The following QPRT variants were observed in gnomAD, a reference collection of about 807,000 sequenced individuals.
QPRT encodes quinolinate phosphoribosyltransferase.
A neutral mutation model predicts 19.8 loss-of-function variants in QPRT; 17 were observed. The ratio of observed to expected loss-of-function variants is 0.86; its 90% CI spans 0.59 to 1.29. The LOEUF is 1.29. Ranked by LOEUF, QPRT falls within the 50% of genes most tolerant of loss-of-function variation. QPRT has a pLI of 0.00. For missense variants in QPRT, 336 were observed against 405.1 expected (o/e 0.83, Z 1.46); for synonymous variants, 178 against 191.0 (o/e 0.93, Z 0.56).
intron 1 of QPRT, among the ~76,000 whole-genome samples, chr16:29,685,581 G>A (rs542162882): frequency 3.1e-4 from 47 of 152,248 alleles, no homozygotes; most frequent in African/African-American, 8.4e-4. Flanking sequence ...CAGCCACCGC[G>A]CCCAGCCTAC....
intron 1 of QPRT, among the ~76,000 whole-genome samples, chr16:29,685,865 G>GA (rs1220634729): frequency 6.7e-6 from 1 of 148,962 alleles, no homozygotes; most frequent in African/African-American, 2.6e-5. Flanking sequence ...AAAATGAAAA[G>GA]AAAATTTTTT....
chr16:29,689,277 T>C (rs370916674), intron 1 of QPRT, among the ~76,000 whole-genome samples: 13 of 151,432 alleles, frequency 8.6e-5, no homozygotes, highest in African/African-American at 3.2e-4. Context: ...GTGTTTTTAG[T>C]AGAGATGAGG....
At chr16:29,679,176 G>A (rs901009816), upstream of QPRT, 2 of 1,613,524 alleles carry the variant, frequency 1.2e-6, no homozygotes, top group Middle Eastern at 1.6e-4. Context: ...CAACACACCA[G>A]CCCAGACAGC....
chr16:29,686,080 G>A (rs1215648060), intron 1 of QPRT, among the ~76,000 whole-genome samples: 4 of 152,152 alleles, frequency 2.6e-5, no homozygotes, highest in East Asian at 3.9e-4. Flanking sequence ...GGCTGGACTC[G>A]AACTCCTGAC....
intron 1 of QPRT, among the ~76,000 whole-genome samples, chr16:29,683,300 G>A (rs923864001): frequency 6.6e-6 from 1 of 151,784 alleles, no homozygotes; most frequent in African/African-American, 2.4e-5. Context: ...AAAGTGCTGG[G>A]ATTACAGGTG....
rs779881518 is a variant in QPRT at position 29,697,979 on chromosome 16, G to C, written c.*568G>C. The C allele has an allele frequency of 7.1e-6, 1 of 140,770 alleles. No individual in the cohort carries two copies. Among genetic ancestry groups the C allele is most frequent in the South Asian group, 2.6e-4 (1 of 3,882 alleles). The allele number at this position is 140,770 out of a possible 1,614,324, so 8.7% of individuals were successfully genotyped here. ...AGCCTGGGTGATAGAGCGAGACTCTGTCTCCAAAGAAGAAACAAAGGAAAG... is the reference window on the plus strand; with the variant it reads ...AGCCTGGGTGATAGAGCGAGACTCTCTCTCCAAAGAAGAAACAAAGGAAAG... On this transcript the variant is annotated 3_prime_UTR_variant, in exon 4 of 4. Coordinates refer to ENST00000395384, the MANE Select transcript of QPRT (RefSeq NM_014298.6). The surrounding 1 kb of genome is among the most constrained non-coding windows in gnomAD (Gnocchi z 4.4).
intron 1 of QPRT, among the ~76,000 whole-genome samples, chr16:29,694,343 T>C (rs1263431858): frequency 6.6e-6 from 1 of 150,486 alleles, no homozygotes; most frequent in Admixed American, 6.6e-5. Context: ...ATGGTCTCGA[T>C]CTCCTGACCT....
At position 29,697,500 on chromosome 16, in the gene QPRT, A is replaced by T. The variant is rs1348322465; in HGVS notation, c.*89A>T. On this transcript the variant is annotated 3_prime_UTR_variant, in exon 4 of 4. Transcript: ENST00000395384. The surrounding 1 kb of genome is among the most constrained non-coding windows in gnomAD (Gnocchi z 4.4). Reference sequence around the variant, plus strand: ...CACACATCTTTAGGGTCAGTGGCCAATGGGGCACATTTGGCACTAGCTTGA... The same window carrying T: ...CACACATCTTTAGGGTCAGTGGCCATTGGGGCACATTTGGCACTAGCTTGA... The T allele has an allele frequency of 5.2e-6, 7 of 1,350,828 alleles. No individual in the cohort carries two copies. The Admixed American group carries it at 1.5e-4, about 29-fold the overall frequency. 83.7% of individuals were successfully genotyped at this position (1,350,828 alleles called of 1,614,324 possible).
chr16:29,694,023 C>T (rs952776743), intron 1 of QPRT, among the ~76,000 whole-genome samples: 1 of 151,962 alleles, frequency 6.6e-6, no homozygotes, highest in African/African-American at 2.4e-5. Flanking sequence ...CCATGTTGGC[C>T]AGGCTGGCCT....
chr16:29,691,829 G>A (rs919290413), intron 1 of QPRT, among the ~76,000 whole-genome samples: 6 of 152,190 alleles, frequency 3.9e-5, no homozygotes, highest in African/African-American at 1.4e-4. Context: ...AGAATGTGGC[G>A]AAGGAGAGCC....
intron 1 of QPRT, among the ~76,000 whole-genome samples, chr16:29,680,846 C>G (rs1432379236): frequency 6.6e-6 from 1 of 152,104 alleles, no homozygotes; most frequent in Non-Finnish European, 1.5e-5. Flanking sequence ...GAGGCTGAGG[C>G]AGGAGAATTG....
intron 1 of QPRT, among the ~76,000 whole-genome samples, chr16:29,693,623 G>A (rs11645517): frequency 0.1 from 15,149 of 151,596 alleles, 1,017 homozygotes; most frequent in Non-Finnish European, 0.14. Context: ...GTCTTGCTCT[G>A]TCACCCAGGC....
At chr16:29,679,609 G>T (rs1966931524) in intron 1 of QPRT, among the ~76,000 whole-genome samples, 1 of 152,160 alleles carries the variant, frequency 6.6e-6, no homozygotes, top group Non-Finnish European at 1.5e-5. Context: ...TCTGCAGCTG[G>T]GTGGGGGAGG....
chr16:29,686,519 C>T (rs550865609), intron 1 of QPRT, among the ~76,000 whole-genome samples: 29 of 152,146 alleles, frequency 1.9e-4, no homozygotes, highest in African/African-American at 6.0e-4. Context: ...GTTTTTGAGA[C>T]GCAGTCTTGC....
chr16:29,681,989 A>G (rs183368822), intron 1 of QPRT, among the ~76,000 whole-genome samples: 141 of 152,068 alleles, frequency 9.3e-4, no homozygotes, highest in African/African-American at 3.2e-3. Flanking sequence ...CGGCCTCCCA[A>G]AGTGCTGGGA....
intron 2 of QPRT, chr16:29,695,925 T>C (rs2864137): frequency 0.99 from 150,188 of 151,980 alleles, 74,232 homozygotes; most frequent in Middle Eastern, 1. Flanking sequence ...TAAGCCACCA[T>C]GCCTGGTTTT....
At chr16:29,687,124 T>C (rs376557409) in intron 1 of QPRT, among the ~76,000 whole-genome samples, 8 of 152,308 alleles carry the variant, frequency 5.3e-5, no homozygotes, top group African/African-American at 1.4e-4. Flanking sequence ...CCCTTAAACA[T>C]CACTTCCTCA....
intron 1 of QPRT, among the ~76,000 whole-genome samples, chr16:29,685,053 C>G (rs1478904500): frequency 2.0e-5 from 3 of 152,244 alleles, no homozygotes; most frequent in Non-Finnish European, 4.4e-5. Flanking sequence ...AAGGCTCCCA[C>G]ATCTCTTTAG....
At position 29,697,032 on chromosome 16, in the gene QPRT, C is replaced by T. The variant is rs761502413; in HGVS notation, c.586C>T (p.Leu196=). ...GGCCAGACAGGCGGCTGACTTCACT[C>T]TGAAGGTGGAAGTGGAATGCAGCAG... ...RAARQAADFT[L]KVEVECSSLQ... Residue 196 remains leucine, a synonymous_variant, in exon 3 of 4, where the codon CTG becomes TTG. Transcript: ENST00000395384. This position sits in a 1 kb window ranked among gnomAD's most constrained non-coding sequence, Gnocchi z 4.4. 1 of 1,610,680 alleles carries T rather than the reference C, an allele frequency of 6.2e-7. No homozygotes were observed. The highest frequency in any genetic ancestry group is 8.5e-7 in the Non-Finnish European group (1 of 1,179,268).
Sources: allele counts gnomAD v4.1 joint callset (sites outside exome capture counted in the v4.1 genomes callset), GRCh38; gene constraint gnomAD v4.1.1; non-coding constraint Gnocchi (gnomAD v3.1); transcripts MANE v1.5; gene names NCBI Gene and HGNC (gene_info 2026-07-23, HGNC 2026-07-21).